The following FAM149A variants were observed in gnomAD, a reference collection of about 807,000 sequenced individuals.
FAM149A encodes the protein family with sequence similarity 149 member A.
A neutral mutation model predicts 78.2 loss-of-function variants in FAM149A; 71 were observed. The observed-to-expected ratio is 0.91, with a 90% CI of 0.75 to 1.11. FAM149A has a LOEUF of 1.11. Ranked by LOEUF, FAM149A falls within the 50% of genes least tolerant of loss-of-function variation. The probability of loss-of-function intolerance (pLI) is 0.00; values close to 1 mark genes in which losing one functional copy is unlikely to be tolerated. For synonymous variants in FAM149A, 446 were observed against 410.5 expected (o/e 1.09, Z -1.04); for missense variants, 1,036 against 971.0 (o/e 1.07, Z -0.89).
chr4:186,157,760 G>C, intron 8 of FAM149A, 41 bp downstream of exon 8: 1 of 1,582,532 alleles, frequency 6.3e-7, no homozygotes, highest in Non-Finnish European at 8.6e-7. Context: ...CCTTCACTCT[G>C]TGTGTCTGTC....
intron 8 of FAM149A, among the ~76,000 whole-genome samples, chr4:186,160,111 A>ATG (rs1489740054): frequency 4.6e-5 from 6 of 129,688 alleles, no homozygotes; most frequent in African/African-American, 1.4e-4. Flanking sequence ...TACACACACC[A>ATG]CGCACACACA....
rs75987016 is a variant in FAM149A, at chr4:186,158,782, G to A, written c.1575+1063G>A. 1.0e-3 allele frequency: 1,026 copies of A among 1,027,272 alleles called. 12 individuals are homozygous for A. In the African/African-American group the frequency reaches 0.017, roughly 17 times the overall value. The allele number at this position is 1,027,272 out of a possible 1,614,324, so 63.6% of individuals were successfully genotyped here. ...CTGGAGCACTCAGCCTGCCAGGCAA[G>A]CCTGTTCTGCAGCTCCCAATGCTCA... On this transcript the variant is annotated intron_variant, in intron 8 of 13. Transcript: ENST00000389354.
In FAM149A at chr4:186,133,145, C is replaced by G. The variant is rs140880001; in HGVS notation, c.567-16028C>G. On this transcript the variant is annotated intron_variant, in intron 1 of 13. Coordinates refer to ENST00000389354, the MANE Select transcript of FAM149A (RefSeq NM_001367768.3). ...CATGTATTGTCTCGACTTCTTTCCA[C>G]CCTACACACTACATTCTGCAAGCTG... 590 of 985,386 alleles carry G rather than the reference C, an allele frequency of 6.0e-4. 3 individuals are homozygous for G. The African/African-American group carries it at 9.7e-3, about 16-fold the overall frequency. 61.0% of individuals were successfully genotyped at this position (985,386 alleles called of 1,614,324 possible). A position where few individuals can be genotyped will look rare whatever the true frequency, so the allele number is the denominator to read the frequency against.
chr4:186,146,405 G>C (rs1320116315), intron 1 of FAM149A: 1 of 955,950 alleles, frequency 1.0e-6, no homozygotes, highest in African/African-American at 1.8e-5. Flanking sequence ...GACCTCCTGG[G>C]CTCAGCTCTG....
At chr4:186,108,692 CA>C (rs566431194) in intron 1 of FAM149A, among the ~76,000 whole-genome samples, 193 of 152,236 alleles carry the variant, frequency 1.3e-3, no homozygotes, top group African/African-American at 4.5e-3. Context: ...ATACGTGATC[CA>C]ACACCTTTGA....
At chr4:186,128,226 T>G (rs2099319224) in intron 1 of FAM149A, among the ~76,000 whole-genome samples, 1 of 151,960 alleles carries the variant, frequency 6.6e-6, no homozygotes, top group African/African-American at 2.4e-5. Context: ...CAGCCTCAGG[T>G]GATCCACCCA....
At chr4:186,123,891 A>AC (rs1241540591) in intron 1 of FAM149A, 1 of 960,416 alleles carries the variant, frequency 1.0e-6, no homozygotes, top group Non-Finnish European at 1.2e-6. Context: ...TAAAAAAAAT[A>AC]AAACACTTTT....
At chr4:186,130,303 A>ATG in intron 1 of FAM149A, 1 of 59,688 alleles carries the variant, frequency 1.7e-5, no homozygotes, top group Non-Finnish European at 3.8e-5. Flanking sequence ...CTATATATAT[A>ATG]TATATATATA....
At chr4:186,124,257 T>G in intron 1 of FAM149A, 1 of 942,922 alleles carries the variant, frequency 1.1e-6, no homozygotes, top group Non-Finnish European at 1.2e-6. Context: ...TTGGGTTAAT[T>G]TTTCTTTCTT....
At chr4:186,158,158 G>A in intron 8 of FAM149A, 1 of 1,283,646 alleles carries the variant, frequency 7.8e-7, no homozygotes, top group South Asian at 1.3e-5. Context: ...AGGCTGTGCT[G>A]AAGCTCACTG....
intron 3 of FAM149A, among the ~76,000 whole-genome samples, chr4:186,150,422 T>C (rs1212071429): frequency 2.4e-5 from 3 of 124,396 alleles, no homozygotes; most frequent in African/African-American, 9.4e-5. Context: ...TCTTTTTTTT[T>C]TTTTTTTTTT....
chr4:186,129,416 A>T (rs1372488831), intron 1 of FAM149A, among the ~76,000 whole-genome samples: 1 of 152,188 alleles, frequency 6.6e-6, no homozygotes, highest in Non-Finnish European at 1.5e-5. Flanking sequence ...TGTGTATTTC[A>T]CTAAAGATCC....
intron 1 of FAM149A, chr4:186,146,941 T>A: frequency 1.0e-6 from 1 of 985,462 alleles, no homozygotes; most frequent in Non-Finnish European, 1.2e-6. Context: ...ACGAGTGTTA[T>A]TTCAGGTGCT....
In FAM149A at chr4:186,110,374, G is replaced by C. The variant is rs1447528649; in HGVS notation, c.566+4732G>C. On this transcript the variant is annotated intron_variant, in intron 1 of 13. Transcript: ENST00000389354. ...ATGAACGGTGGCTCAGTGTACAATT[G>C]TCATATAAGCGTTACTTTCTTTTTT... The C allele has an allele frequency of 1.6e-5, 15 of 936,810 alleles. No individual in the cohort carries two copies. In the African/African-American group the frequency reaches 2.8e-4, roughly 17 times the overall value. The allele number at this position is 936,810 out of a possible 1,614,324, so 58.0% of individuals were successfully genotyped here.
intron 1 of FAM149A, among the ~76,000 whole-genome samples, chr4:186,106,209 G>C (rs188866215): frequency 1.9e-4 from 29 of 152,184 alleles, no homozygotes; most frequent in Non-Finnish European, 1.2e-4. Flanking sequence ...TATTACCCTA[G>C]AGCTCCTGAG....
chr4:186,165,609 A>G, intron 11 of FAM149A, 145 bp downstream of exon 11: 2 of 759,226 alleles, frequency 2.6e-6, no homozygotes, highest in Non-Finnish European at 4.2e-6. Context: ...CTGTTTCCAG[A>G]AAGTAAATGA....
chr4:186,153,466 A>T (rs1485925128), intron 4 of FAM149A, 179 bp from the exon 5 acceptor site: 5 of 985,192 alleles, frequency 5.1e-6, no homozygotes, highest in Non-Finnish European at 6.0e-6. Context: ...AGTCAGTGGA[A>T]GAACAGTCTG....
Position 186,166,989 on chromosome 4 carries a change from A to T in FAM149A, c.2032A>T (p.Asn678Tyr). Reference sequence around the variant, plus strand: ...TTAGTACAGAGGAAGGCATCTACAAAACCGTGTGTTGAGTGCCATGCCTGA... The same window carrying T: ...TTAGTACAGAGGAAGGCATCTACAATACCGTGTGTTGAGTGCCATGCCTGA... Residue 678 changes from asparagine to tyrosine, a missense_variant, in exon 12 of 14, where the codon AAC becomes TAC. Transcript: ENST00000389354. 6.2e-7 allele frequency: 1 copy of T among 1,614,012 alleles called. No individual in the cohort carries two copies. The highest frequency in any genetic ancestry group is 8.5e-7 in the Non-Finnish European group (1 of 1,179,932).
At chr4:186,158,389 G>T (rs1029249548) in intron 8 of FAM149A, 3 of 1,201,950 alleles carry the variant, frequency 2.5e-6, no homozygotes, top group Non-Finnish European at 3.2e-6. Flanking sequence ...AGCTCACTCA[G>T]TGGGCCTGAA....
Sources: gnomAD v4.1 joint callset for allele counts (sites outside exome capture counted in the v4.1 genomes callset) on GRCh38, gnomAD v4.1.1 for gene constraint, MANE v1.5 for transcripts, NCBI Gene and HGNC (gene_info 2026-07-23, HGNC 2026-07-21) for gene names.